The following RSRC1 variants were observed in gnomAD, a reference collection of about 807,000 sequenced individuals.
RSRC1 encodes serine/Arginine-related protein 53.
In RSRC1, 39 loss-of-function variants were observed where a neutral mutation model predicts 49.1. The ratio of observed to expected loss-of-function variants is 0.79; its 90% CI spans 0.61 to 1.04. The LOEUF (loss-of-function observed/expected upper bound fraction) is 1.04. Ranked by LOEUF, RSRC1 falls within the 50% of genes least tolerant of loss-of-function variation. RSRC1 has a pLI of 0.00. For missense variants in RSRC1, 388 were observed against 402.4 expected, an observed-to-expected ratio of 0.96 and a Z score of 0.31; for synonymous variants, 143 against 130.8, an observed-to-expected ratio of 1.09 and a Z score of -0.63.
At chr3:158,288,649 A>G (rs1033601663) in intron 4 of RSRC1, among the ~76,000 whole-genome samples, 1 of 152,246 alleles carries the variant, frequency 6.6e-6, no homozygotes, top group East Asian at 1.9e-4. Context: ...ACCAAAGTCT[A>G]TGGATTCTTA....
Position 158,300,305 on chromosome 3 carries a change from C to G in RSRC1, c.531+2230C>G, listed in dbSNP as rs115883079. On this transcript the variant is annotated intron_variant, in intron 5 of 9. Transcript: ENST00000611884. Reference sequence around the variant, plus strand: ...CTGTAACTTTATGTTGTAATCGACCCACTAACTGTGAACTATTAACAATAT... The same window carrying G: ...CTGTAACTTTATGTTGTAATCGACCGACTAACTGTGAACTATTAACAATAT... 7.3e-3 allele frequency among the ~76,000 whole-genome samples: 1,104 copies of G among 152,248 alleles called. 9 individuals carry two copies. The highest frequency in any genetic ancestry group is 0.011 in the Non-Finnish European group (722 of 68,006).
intron 6 of RSRC1, among the ~76,000 whole-genome samples, chr3:158,374,299 G>C (rs955346171): frequency 6.6e-6 from 1 of 151,986 alleles, no homozygotes; most frequent in African/African-American, 2.4e-5. Context: ...TTTTCATATA[G>C]GACTATGACA....
chr3:158,338,136 C>T (rs1730023476), intron 5 of RSRC1, among the ~76,000 whole-genome samples: 1 of 151,898 alleles, frequency 6.6e-6, no homozygotes, highest in Admixed American at 6.6e-5. Flanking sequence ...GTTTAACATC[C>T]TCATCTATGA....
intron 5 of RSRC1, among the ~76,000 whole-genome samples, chr3:158,323,263 A>C (rs1206201266): frequency 6.6e-6 from 1 of 151,658 alleles, no homozygotes; most frequent in Non-Finnish European, 1.5e-5. Context: ...GTGTTTATTG[A>C]TATTGTCTGC....
At chr3:158,221,707 CT>C (rs1722228973) in intron 4 of RSRC1, among the ~76,000 whole-genome samples, 1 of 151,474 alleles carries the variant, frequency 6.6e-6, no homozygotes, top group Non-Finnish European at 1.5e-5. Context: ...CTTTCCTATG[CT>C]TATTGCTTTG....
At chr3:158,406,090 A>G (rs1045325247) in intron 6 of RSRC1, among the ~76,000 whole-genome samples, 2 of 152,088 alleles carry the variant, frequency 1.3e-5, no homozygotes, top group Non-Finnish European at 1.5e-5. Context: ...ACCAAACAGA[A>G]GAAGACATTT....
intron 3 of RSRC1, among the ~76,000 whole-genome samples, chr3:158,199,650 C>G (rs1348082066): frequency 1.3e-5 from 2 of 152,126 alleles, no homozygotes; most frequent in African/African-American, 2.4e-5. Flanking sequence ...ACATTTAAAA[C>G]TATAAATTTC....
chr3:158,408,806 G>A (rs1261788508), intron 6 of RSRC1, among the ~76,000 whole-genome samples: 2 of 151,878 alleles, frequency 1.3e-5, no homozygotes, highest in African/African-American at 2.4e-5. Context: ...CCAAGGTAGG[G>A]GGATCACTTG....
At chr3:158,424,432 C>G (rs1735282524) in intron 6 of RSRC1, among the ~76,000 whole-genome samples, 1 of 151,472 alleles carries the variant, frequency 6.6e-6, no homozygotes, top group Non-Finnish European at 1.5e-5. Flanking sequence ...ATGAAGCCCA[C>G]TTGATCATGG....
intron 3 of RSRC1, among the ~76,000 whole-genome samples, chr3:158,200,273 C>G (rs370985703): frequency 6.6e-6 from 1 of 152,110 alleles, no homozygotes; most frequent in African/African-American, 2.4e-5. Flanking sequence ...CTCCTGACCT[C>G]GTGATCCCCT....
chr3:158,403,047 A>G (rs758911920), intron 6 of RSRC1, among the ~76,000 whole-genome samples: 3 of 151,824 alleles, frequency 2.0e-5, no homozygotes, highest in Admixed American at 6.6e-5. Context: ...CTTTGAATAA[A>G]ACCCTCAGTT....
At chr3:158,286,332 C>A (rs1037906018) in intron 4 of RSRC1, among the ~76,000 whole-genome samples, 1 of 152,172 alleles carries the variant, frequency 6.6e-6, no homozygotes, top group African/African-American at 2.4e-5. Flanking sequence ...TCTACTGAAT[C>A]TCTCTGATCC....
chr3:158,314,281 C>T (rs2108150405), intron 5 of RSRC1, among the ~76,000 whole-genome samples: 1 of 152,236 alleles, frequency 6.6e-6, no homozygotes, highest in South Asian at 2.1e-4. Flanking sequence ...TTAGTAGAGA[C>T]AGGGTTTCGC....
chr3:158,534,655 G>T (rs1474050517), intron 7 of RSRC1, among the ~76,000 whole-genome samples: 3 of 151,494 alleles, frequency 2.0e-5, no homozygotes, highest in Non-Finnish European at 4.4e-5. Flanking sequence ...CATGCACGTG[G>T]CTATTTATTA....
chr3:158,396,325 C>A (rs1398180899), intron 6 of RSRC1, among the ~76,000 whole-genome samples: 1 of 151,658 alleles, frequency 6.6e-6, no homozygotes, highest in Admixed American at 6.6e-5. Context: ...TAGACACGTA[C>A]CCCTGAACCT....
intron 5 of RSRC1, among the ~76,000 whole-genome samples, chr3:158,345,096 C>T (rs372323991): frequency 3.3e-5 from 5 of 151,772 alleles, no homozygotes; most frequent in Non-Finnish European, 1.5e-5. Context: ...GGCATGGTGT[C>T]GGGCACCTGT....
At chr3:158,250,736 A>G (rs899785099) in intron 4 of RSRC1, among the ~76,000 whole-genome samples, 4 of 152,148 alleles carry the variant, frequency 2.6e-5, no homozygotes, top group Non-Finnish European at 5.9e-5. Context: ...TCACATGGAT[A>G]GTTTGCAGAT....
chr3:158,364,681 G>GCAGTAAGTA (rs1157738761), intron 6 of RSRC1, among the ~76,000 whole-genome samples: 2 of 151,980 alleles, frequency 1.3e-5, no homozygotes, highest in African/African-American at 4.8e-5. Context: ...AAGTATGAAA[G>GCAGTAAGTA]ACAATATTGT....
intron 6 of RSRC1, among the ~76,000 whole-genome samples, chr3:158,413,642 A>G (rs1276414711): frequency 8.9e-6 from 1 of 112,942 alleles, no homozygotes; most frequent in Non-Finnish European, 2.0e-5. Flanking sequence ...CAAAATTACA[A>G]GAGAAAAAAA....
Sources: allele counts gnomAD v4.1 joint callset (sites outside exome capture counted in the v4.1 genomes callset), GRCh38; gene constraint gnomAD v4.1.1; transcripts MANE v1.5; gene names NCBI Gene and HGNC (gene_info 2026-07-23, HGNC 2026-07-21).